PLCB4: variants seen among roughly 807,000 people sequenced by gnomAD.
PLCB4 encodes the protein phospholipase C beta 4, also known as 1-phosphatidylinositol 4,5-bisphosphate phosphodiesterase beta-4.
Under a neutral mutation model 178.8 loss-of-function variants are expected in PLCB4, and 77 were observed. The ratio of observed to expected loss-of-function variants is 0.43; its 90% CI spans 0.36 to 0.52. PLCB4 has a LOEUF of 0.52. PLCB4 is among the 20% of genes least tolerant of loss of function. PLCB4 has a pLI of 0.00. For synonymous variants in PLCB4, 496 were observed against 490.8 expected, an observed-to-expected ratio of 1.01 and a Z score of -0.14; for missense variants, 1,024 against 1,453.4, an observed-to-expected ratio of 0.70 and a Z score of 4.80.
chr20:9,177,208 T>C (rs1031365525), intron 2 of PLCB4, among the ~76,000 whole-genome samples: 31 of 152,042 alleles, frequency 2.0e-4, no homozygotes, highest in Middle Eastern at 3.4e-3. Flanking sequence ...AAAAGCAGCA[T>C]GTTAGTAGGG....
At chr20:9,180,145 G>A (rs769212935) in intron 2 of PLCB4, among the ~76,000 whole-genome samples, 27 of 152,122 alleles carry the variant, frequency 1.8e-4, no homozygotes, top group South Asian at 6.2e-4. Context: ...GAAATAGAAA[G>A]TTCTGAACAG....
intron 25 of PLCB4, among the ~76,000 whole-genome samples, chr20:9,419,515 T>G (rs1260581480): frequency 6.6e-6 from 1 of 152,246 alleles, no homozygotes; most frequent in Non-Finnish European, 1.5e-5. Flanking sequence ...TTCATTGTTA[T>G]TCTTTGCATT....
At chr20:9,363,250 A>T (rs1446221605) in intron 8 of PLCB4, among the ~76,000 whole-genome samples, 1 of 152,176 alleles carries the variant, frequency 6.6e-6, no homozygotes, top group Non-Finnish European at 1.5e-5. Flanking sequence ...AGTTGTGGGT[A>T]CTGGCTTTTG....
At position 9,409,165 on chromosome 20, in the gene PLCB4, G is replaced by C; in HGVS notation, c.1983G>C (p.Leu661=). The C allele has an allele frequency of 3.1e-6, 5 of 1,602,002 alleles. No homozygotes were observed. The highest frequency in any genetic ancestry group is 4.2e-6 in the Non-Finnish European group (5 of 1,177,362). Residue 661 remains leucine (L), a synonymous_variant, in exon 24 of 40, where the codon CTG becomes CTC. Transcript: ENST00000378473. ...FWNAGCQMVS[L]NYQTPDLAMQ... is the part of the protein sequence containing the mutation. The stretch of plus-strand genomic sequence containing the variant: ...ACGCTGGCTGCCAGATGGTTTCACT[G>C]AACTATCAAACCCCAGGTAGGAGCT...
chr20:9,280,398 C>G, intron 3 of PLCB4: 1 of 949,304 alleles, frequency 1.1e-6, no homozygotes, highest in Non-Finnish European at 1.3e-6. Context: ...GAAGACCTAT[C>G]AAAGGACAAA....
At chr20:9,168,248 G>A (rs990592722) in intron 2 of PLCB4, among the ~76,000 whole-genome samples, 4 of 152,196 alleles carry the variant, frequency 2.6e-5, no homozygotes, top group Non-Finnish European at 5.9e-5. Context: ...CCGGGGCTTT[G>A]GGGTAAGTTA....
intron 1 of PLCB4, among the ~76,000 whole-genome samples, chr20:9,095,010 G>A (rs747550200): frequency 3.3e-5 from 5 of 152,164 alleles, no homozygotes; most frequent in Non-Finnish European, 7.4e-5. Context: ...GAGCAAGAGA[G>A]GAAAGGCCCC....
chr20:9,465,520 T>C (rs981798188), intron 35 of PLCB4, among the ~76,000 whole-genome samples: 20 of 152,180 alleles, frequency 1.3e-4, no homozygotes, highest in African/African-American at 1.9e-4. Context: ...CACATGATAG[T>C]ATATTTAGAA....
chr20:9,459,696 C>G lies in PLCB4; in HGVS notation c.3134C>G (p.Ala1045Gly), dbSNP rs2043274886. 3 of 1,612,734 alleles carry G rather than the reference C, an allele frequency of 1.9e-6. No individual in the cohort carries two copies. Among genetic ancestry groups the G allele is most frequent in the Admixed American group, 1.7e-5 (1 of 60,004 alleles). ...TCAGAAATGATCAATACCCACAGTG[C>G]TGAGGAGCAAGAAATCCGAGACCTG... ...EWSEMINTHS[A>G]EEQEIRDLHL... Residue 1045 changes from alanine to glycine, a missense_variant, in exon 35 of 40, where the codon GCT (alanine) becomes GGT (glycine). Ala to Gly is a moderately conservative substitution (Grantham distance 60, BLOSUM62 0). This residue lies in a region of PLCB4 where 264 missense variants were observed against 283.2 expected (regional missense o/e 0.93). Coordinates refer to ENST00000378473, the MANE Select transcript of PLCB4 (RefSeq NM_001377142.1).
intron 2 of PLCB4, among the ~76,000 whole-genome samples, chr20:9,140,645 G>T (rs528354912): frequency 5.9e-5 from 9 of 151,760 alleles, no homozygotes; most frequent in Non-Finnish European, 1.2e-4. Flanking sequence ...ATTAATTCAC[G>T]TGAGAGCTGG....
At chr20:9,130,495 C>A (rs894668396) in intron 2 of PLCB4, among the ~76,000 whole-genome samples, 2 of 152,182 alleles carry the variant, frequency 1.3e-5, no homozygotes, top group African/African-American at 4.8e-5. Context: ...TAACTTTCAA[C>A]GTAGAAAGCA....
At chr20:9,079,409 T>C (rs754510612) in intron 1 of PLCB4, among the ~76,000 whole-genome samples, 7 of 152,186 alleles carry the variant, frequency 4.6e-5, no homozygotes, top group Non-Finnish European at 5.9e-5. Flanking sequence ...TGACAAGAGC[T>C]GTATCCCTTT....
chr20:9,258,158 A>G (rs2094256635), intron 3 of PLCB4, among the ~76,000 whole-genome samples: 1 of 152,196 alleles, frequency 6.6e-6, no homozygotes, highest in African/African-American at 2.4e-5. Flanking sequence ...TTGGATCATC[A>G]TCTCCCCTGG....
chr20:9,396,738 A>G (rs2038613609), intron 19 of PLCB4, among the ~76,000 whole-genome samples: 2 of 152,210 alleles, frequency 1.3e-5, no homozygotes, highest in Admixed American at 6.5e-5. Flanking sequence ...ATTCACAAGA[A>G]TTTTTGTTTC....
At chr20:9,306,996 TA>T (rs1198598611) in intron 3 of PLCB4, among the ~76,000 whole-genome samples, 2 of 151,818 alleles carry the variant, frequency 1.3e-5, no homozygotes, top group Non-Finnish European at 2.9e-5. Context: ...TTTCATTGGG[TA>T]AAAAGGAAGA....
In PLCB4 at chr20:9,409,346, A is replaced by C. The variant is rs77941493; in HGVS notation, c.1999+165A>C. Among the ~76,000 whole-genome samples the C allele has an allele frequency of 0.039, 5,924 of 151,906 alleles. 393 individuals are homozygous for C. The highest frequency in any genetic ancestry group is 0.14 in the African/African-American group (5,589 of 41,328). ...AATGGTGAGAAATAAAAAAAAAAAAACCAAAATAGAGCAAACAATGGTAGA... is the reference window on the plus strand; with the variant it reads ...AATGGTGAGAAATAAAAAAAAAAAACCCAAAATAGAGCAAACAATGGTAGA... On this transcript the variant is annotated intron_variant, in intron 24 of 39. Transcript: ENST00000378473.
chr20:9,222,185 G>T (rs1356427497), intron 3 of PLCB4, among the ~76,000 whole-genome samples: 1 of 151,660 alleles, frequency 6.6e-6, no homozygotes, highest in Non-Finnish European at 1.5e-5. Flanking sequence ...GAACTCCTGG[G>T]CTCAAGTTAT....
intron 28 of PLCB4, among the ~76,000 whole-genome samples, chr20:9,434,716 G>GA (rs11389211): frequency 0.24 from 35,573 of 151,212 alleles, 4,932 homozygotes; most frequent in African/African-American, 0.37. Context: ...AAAAGGAAAA[G>GA]AAAAAAAAAT....
rs867893104 is a variant in PLCB4 at position 9,409,347 on chromosome 20, C to A, written c.1999+166C>A. Among the ~76,000 whole-genome samples, 271 of 148,776 alleles carry A rather than the reference C, an allele frequency of 1.8e-3. 2 individuals are homozygous for A. Among genetic ancestry groups the A allele is most frequent in the Admixed American group, 2.6e-3 (39 of 15,100 alleles). On this transcript the variant is annotated intron_variant, in intron 24 of 39. Transcript: ENST00000378473. ...ATGGTGAGAAATAAAAAAAAAAAAA[C>A]CAAAATAGAGCAAACAATGGTAGAA...
Sources: gnomAD v4.1 joint callset for allele counts (sites outside exome capture counted in the v4.1 genomes callset) on GRCh38, gnomAD v4.1.1 for gene constraint, gnomAD v4.1.1 regional missense constraint, MANE v1.5 for transcripts, NCBI Gene and HGNC (gene_info 2026-07-23, HGNC 2026-07-21) for gene names.